The following COL24A1 variants were observed in gnomAD, a reference collection of about 807,000 sequenced individuals.
The protein encoded by COL24A1 is collagen alpha-1(XXIV) chain.
COL24A1 carries 224 observed loss-of-function variants against 253.9 expected under a neutral mutation model. The ratio of observed to expected loss-of-function variants is 0.88; its 90% CI spans 0.79 to 0.99. The LOEUF is 0.99. Ranked by LOEUF, COL24A1 falls within the 50% of genes least tolerant of loss-of-function variation. COL24A1 has a pLI of 0.00. For synonymous variants in COL24A1, 685 were observed against 673.7 expected, an observed-to-expected ratio of 1.02 and a Z score of -0.26; for missense variants, 2,131 against 2,068.5, an observed-to-expected ratio of 1.03 and a Z score of -0.59.
At chr1:86,097,024 C>T (rs1030318161) in intron 5 of COL24A1, among the ~76,000 whole-genome samples, 3 of 152,182 alleles carry the variant, frequency 2.0e-5, no homozygotes, top group Non-Finnish European at 2.9e-5. Flanking sequence ...ATTCTTTCAC[C>T]AGGCTATCAC....
At chr1:85,932,273 A>G (rs75948914) in intron 24 of COL24A1, among the ~76,000 whole-genome samples, 2,920 of 48,958 alleles carry the variant, frequency 0.06, 363 homozygotes, top group African/African-American at 0.14. Flanking sequence ...AAAAGTGGGC[A>G]AAGGACATGA....
intron 23 of COL24A1, among the ~76,000 whole-genome samples, chr1:85,962,522 A>C (rs745891761): frequency 6.6e-5 from 10 of 152,198 alleles, no homozygotes; most frequent in Non-Finnish European, 1.3e-4. Context: ...CAGCATATGC[A>C]ACATATTACT....
chr1:85,734,030 G>A (rs931301445), intron 59 of COL24A1, among the ~76,000 whole-genome samples: 1 of 151,026 alleles, frequency 6.6e-6, no homozygotes. Flanking sequence ...AGTCTCCCAG[G>A]TAGCTGGGAT....
At chr1:85,741,353 GA>G (rs985516395) in intron 57 of COL24A1, among the ~76,000 whole-genome samples, 1 of 152,132 alleles carries the variant, frequency 6.6e-6, no homozygotes, top group African/African-American at 2.4e-5. Context: ...TGAGTTCTAG[GA>G]AAATGTTATC....
intron 1 of COL24A1, 21 bp downstream of exon 1, chr1:86,156,320 C>G: frequency 6.2e-7 from 1 of 1,609,904 alleles, no homozygotes; most frequent in Non-Finnish European, 8.5e-7. Flanking sequence ...CCCTACCCTA[C>G]CCGGCGGGTG....
At chr1:86,080,812 G>T (rs753714476) in intron 7 of COL24A1, among the ~76,000 whole-genome samples, 1 of 152,150 alleles carries the variant, frequency 6.6e-6, no homozygotes. Flanking sequence ...CAGTAATTAA[G>T]ATTTGAATAT....
intron 19 of COL24A1, among the ~76,000 whole-genome samples, chr1:86,012,383 A>G (rs982503787): frequency 6.6e-6 from 1 of 152,040 alleles, no homozygotes; most frequent in African/African-American, 2.4e-5. Flanking sequence ...AGGTCAGGAG[A>G]TCAAGACTAT....
intron 20 of COL24A1, among the ~76,000 whole-genome samples, chr1:85,971,774 T>C (rs1458238449): frequency 6.6e-6 from 1 of 152,184 alleles, no homozygotes; most frequent in Non-Finnish European, 1.5e-5. Context: ...AGTGTTTTAA[T>C]ATCTATTAAG....
intron 1 of COL24A1, among the ~76,000 whole-genome samples, chr1:86,146,955 A>G (rs1440653715): frequency 6.6e-6 from 1 of 152,142 alleles, no homozygotes; most frequent in Non-Finnish European, 1.5e-5. Context: ...CAAAATGAAA[A>G]TTACAGAAAT....
intron 24 of COL24A1, among the ~76,000 whole-genome samples, chr1:85,950,172 G>A (rs1474702121): frequency 5.9e-5 from 9 of 151,548 alleles, no homozygotes; most frequent in Non-Finnish European, 1.5e-5. Flanking sequence ...ATTTTTACTT[G>A]TCTCTCACGA....
chr1:85,734,711 A>T (rs779983761), intron 59 of COL24A1, 38 bp downstream of exon 59: 4 of 1,522,918 alleles, frequency 2.6e-6, no homozygotes, highest in Non-Finnish European at 3.6e-6. Flanking sequence ...ATTTTAAGTT[A>T]GTTATATTGA....
intron 12 of COL24A1, among the ~76,000 whole-genome samples, chr1:86,036,744 C>G (rs1410740753): frequency 6.6e-6 from 1 of 152,146 alleles, no homozygotes; most frequent in Admixed American, 6.6e-5. Context: ...AAATACATAT[C>G]TTTCCTTTAA....
At chr1:86,140,111 G>A (rs1235566904) in intron 2 of COL24A1, among the ~76,000 whole-genome samples, 1 of 152,108 alleles carries the variant, frequency 6.6e-6, no homozygotes, top group African/African-American at 2.4e-5. Flanking sequence ...TATGTAACAG[G>A]CACTGTGCTA....
At chr1:85,809,598 T>C (rs1672321847) in intron 47 of COL24A1, among the ~76,000 whole-genome samples, 1 of 152,014 alleles carries the variant, frequency 6.6e-6, no homozygotes, top group African/African-American at 2.4e-5. Flanking sequence ...TGTTGTACTT[T>C]GCACTGACTG....
intron 7 of COL24A1, among the ~76,000 whole-genome samples, chr1:86,085,917 G>C (rs1030942641): frequency 6.6e-6 from 1 of 152,072 alleles, no homozygotes; most frequent in Non-Finnish European, 1.5e-5. Context: ...AGACTGAAGA[G>C]AATACTGCTG....
intron 24 of COL24A1, among the ~76,000 whole-genome samples, chr1:85,952,285 C>T (rs1399373844): frequency 6.6e-6 from 1 of 152,048 alleles, no homozygotes; most frequent in Non-Finnish European, 1.5e-5. Flanking sequence ...GATTTCACTC[C>T]TCTTGAAAAT....
At chr1:85,874,802 G>T in intron 34 of COL24A1, 100 bp from the exon 35 acceptor site, 1 of 1,305,460 alleles carries the variant, frequency 7.7e-7, no homozygotes, top group Non-Finnish European at 1.1e-6. Context: ...CGCCTGGGCC[G>T]TAGAGGGTAC....
chr1:85,970,711 C>T (rs1431982281), intron 21 of COL24A1, among the ~76,000 whole-genome samples: 1 of 152,002 alleles, frequency 6.6e-6, no homozygotes, highest in African/African-American at 2.4e-5. Flanking sequence ...ATATTTTGCT[C>T]AATTCACAAT....
At chr1:86,047,356 A>G (rs1220920661) in intron 11 of COL24A1, among the ~76,000 whole-genome samples, 2 of 152,178 alleles carry the variant, frequency 1.3e-5, no homozygotes, top group East Asian at 1.9e-4. Context: ...CAGAGAGATG[A>G]ATCTACAGCC....
Sources: gnomAD v4.1 joint callset for allele counts (sites outside exome capture counted in the v4.1 genomes callset) on GRCh38, gnomAD v4.1.1 for gene constraint, MANE v1.5 for transcripts, NCBI Gene and HGNC (gene_info 2026-07-23, HGNC 2026-07-21) for gene names.